The following GNB2 variants were observed in gnomAD, a reference collection of about 807,000 sequenced individuals.
GNB2 encodes G protein subunit beta 2, also known as guanine nucleotide-binding protein G(I)/G(S)/G(T) subunit beta-2.
Under a neutral mutation model 40.7 loss-of-function variants are expected in GNB2, and 7 were observed. The ratio of observed to expected loss-of-function variants is 0.17; its 90% confidence interval spans 0.10 to 0.32. The LOEUF is 0.32. Ranked by LOEUF, GNB2 falls within the 10% of genes least tolerant of loss-of-function variation. GNB2 has a pLI of 1.00. For missense variants in GNB2, 286 were observed against 473.0 expected (o/e 0.60, Z 3.67); for synonymous variants, 254 against 191.2 (o/e 1.33, Z -2.71).
At chr7:100,675,007 C>T (rs1804318631) in intron 1 of GNB2, among the ~76,000 whole-genome samples, 2 of 152,276 alleles carry the variant, frequency 1.3e-5, no homozygotes, top group South Asian at 2.1e-4. Flanking sequence ...AAGAGGAACG[C>T]CCTGCGCCTG....
rs968538670 is a variant in GNB2 at position 100,675,902 on chromosome 7, G to A, written c.-89-275G>A. 1.6e-5 allele frequency: 4 copies of A among 247,258 alleles called. No homozygotes were observed. In the Admixed American group the frequency reaches 1.7e-4, roughly 10 times the overall value. 15.3% of individuals were successfully genotyped at this position (247,258 alleles called of 1,614,324 possible). On this transcript the variant is annotated intron_variant, in intron 1 of 9. Transcript: ENST00000303210. ...CCCCCCCGCCCCAGTTCCTGCCGCG[G>A]GTGTCCTGCCCGGGCTGTGTCCGAG... is the stretch of plus-strand genomic sequence containing the variant.
At chr7:100,677,032 G>A (rs755026947) in intron 4 of GNB2, 15 of 593,524 alleles carry the variant, frequency 2.5e-5, no homozygotes, top group Non-Finnish European at 4.5e-5. Context: ...ATCCCAGCAC[G>A]TGGGGAGGCC....
rs1318779949 is a variant in GNB2 at position 100,679,133 on chromosome 7, TCA to T, written c.*333_*334del. On this transcript the variant is annotated 3_prime_UTR_variant, in exon 10 of 10. Transcript: ENST00000303210. ...TTTTATTTTAATTTTTATTATATTT[TCA>T]GTTTTTCCATAAAGGAGCCAATTCC... 1 of 257,084 alleles carries T rather than the reference TCA, an allele frequency of 3.9e-6. No individual in the cohort carries two copies. The highest frequency in any genetic ancestry group is 2.2e-5 in the African/African-American group (1 of 44,780). The allele number at this position is 257,084 out of a possible 1,614,324, so 15.9% of individuals were successfully genotyped here.
intron 1 of GNB2, chr7:100,675,961 C>T (rs1804337716): frequency 2.5e-6 from 1 of 405,408 alleles, no homozygotes; most frequent in Non-Finnish European, 4.4e-6. Flanking sequence ...TCTTGCACTT[C>T]CCGCTCCGTT....
chr7:100,675,904 T>G, intron 1 of GNB2: 1 of 229,452 alleles, frequency 4.4e-6, no homozygotes, highest in Non-Finnish European at 8.4e-6. Flanking sequence ...CTGCCGCGGG[T>G]GTCCTGCCCG....
Position 100,677,774 on chromosome 7 carries a change from C to T in GNB2, c.453C>T (p.Phe151=), listed in dbSNP as rs2131350928. 2 of 1,613,840 alleles carry T rather than the reference C, an allele frequency of 1.2e-6. No individual in the cohort carries two copies. The highest frequency in any genetic ancestry group is 2.2e-5 in the East Asian group (1 of 44,880). Residue 151 remains phenylalanine, a synonymous_variant, in exon 7 of 10, where the codon TTC becomes TTT. Transcript: ENST00000303210. Reference sequence around the variant, plus strand: ...CAGGGTACCTGTCGTGTTGCCGCTTCCTGGATGACAACCAAATCATCACCA... The same window carrying T: ...CAGGGTACCTGTCGTGTTGCCGCTTTCTGGATGACAACCAAATCATCACCA... ...GHTGYLSCCR[F]LDDNQIITSS...
Position 100,678,765 on chromosome 7 carries a change from G to C in GNB2, c.987G>C (p.Thr329=), listed in dbSNP as rs376511800. ...GVTDDGMAVA[T]GSWDSFLKIW... is the part of the protein sequence containing the mutation. ...CCGACGATGGCATGGCTGTGGCCAC[G>C]GGCTCCTGGGACTCCTTCCTCAAGA... The change falls in exon 10 of 10, where the codon ACG becomes ACC. Residue 329 remains threonine, a synonymous_variant. Coordinates refer to ENST00000303210, the MANE Select transcript of GNB2 (RefSeq NM_005273.4). 1.1e-5 allele frequency: 18 copies of C among 1,613,480 alleles called. No individual in the cohort carries two copies. The highest frequency in any genetic ancestry group is 1.4e-5 in the Non-Finnish European group (16 of 1,179,840).
At chr7:100,677,957 G>A (rs1452577032) in intron 7 of GNB2, 139 bp downstream of exon 7, 5 of 980,332 alleles carry the variant, frequency 5.1e-6, no homozygotes, top group African/African-American at 4.8e-5. Flanking sequence ...GGAGGGATGC[G>A]TCCCCTCCCC....
rs374471771 is a variant in GNB2, at chr7:100,678,708, C to A, written c.930C>A (p.Gly310=). The change falls in exon 10 of 10, where the codon GGC becomes GGA. Residue 310 remains glycine, a synonymous_variant. Transcript: ENST00000303210. Reference sequence around the variant, plus strand: ...TCTTCTTCACAGGAGTCCTCGCTGGCCACGACAACCGCGTGAGCTGCCTCG... The same window carrying A: ...TCTTCTTCACAGGAGTCCTCGCTGGACACGACAACCGCGTGAGCTGCCTCG... The part of the protein sequence containing the change: ...MKGDRAGVLA[G]HDNRVSCLGV... 6.2e-7 allele frequency: 1 copy of A among 1,613,464 alleles called. No homozygotes were observed. Among genetic ancestry groups the A allele is most frequent in the South Asian group, 1.1e-5 (1 of 91,076 alleles).
In GNB2 at chr7:100,677,507, A is replaced by T; in HGVS notation, c.277A>T (p.Ile93Phe). Residue 93 changes from isoleucine to phenylalanine, a missense_variant, in exon 6 of 10, where the codon ATC becomes TTC. Transcript: ENST00000303210. ...TTCCCCTGCTCCGCAGGTCCACGCC[A>T]TCCCGCTGCGCTCCTCCTGGGTAAT... ...DSYTTNKVHAIPLRSSWVMTC... is the reference protein window; with the variant it reads ...DSYTTNKVHAFPLRSSWVMTC... The T allele has an allele frequency of 6.2e-7, 1 of 1,613,438 alleles. No homozygotes were observed. The highest frequency in any genetic ancestry group is 1.1e-5 in the South Asian group (1 of 91,086).
Position 100,677,743 on chromosome 7 carries a change from C to CT in GNB2, c.431-7dup, listed in dbSNP as rs1804385272. The CT allele has an allele frequency of 6.2e-7, 1 of 1,613,772 alleles. No individual in the cohort carries two copies. Among genetic ancestry groups the CT allele is most frequent in the Non-Finnish European group, 8.5e-7 (1 of 1,179,958 alleles). ...GTGTGGAGACCTGGCTGACCAGCTC[C>CT]TTCCCCAGGGTACCTGTCGTGTTGC... is the stretch of plus-strand genomic sequence containing the variant. On this transcript the variant is annotated splice_polypyrimidine_tract_variant and intron_variant, in intron 6 of 9. Coordinates refer to ENST00000303210, the MANE Select transcript of GNB2 (RefSeq NM_005273.4).
intron 7 of GNB2, 99 bp downstream of exon 7, chr7:100,677,917 C>T (rs1359836085): frequency 3.5e-6 from 4 of 1,153,342 alleles, no homozygotes; most frequent in Non-Finnish European, 5.1e-6. Flanking sequence ...ACCGTAGCCT[C>T]CCTCTCCTGG....
chr7:100,674,834 C>T (rs546066125), intron 1 of GNB2, among the ~76,000 whole-genome samples: 1 of 152,350 alleles, frequency 6.6e-6, no homozygotes, highest in African/African-American at 2.4e-5. Context: ...CCGGCGGTGC[C>T]GCCAGGCCTG....
intron 2 of GNB2, 62 bp from the exon 3 acceptor site, chr7:100,676,473 C>G (rs888409605): frequency 6.9e-7 from 1 of 1,439,206 alleles, no homozygotes; most frequent in African/African-American, 1.4e-5. Context: ...CTGTTCTCTT[C>G]TCTCCCTTTC....
rs578027411 is a variant in GNB2, at chr7:100,678,908, G to A, written c.*107G>A. On this transcript the variant is annotated 3_prime_UTR_variant, in exon 10 of 10. Coordinates refer to ENST00000303210, the MANE Select transcript of GNB2 (RefSeq NM_005273.4). The stretch of plus-strand genomic sequence containing the variant: ...ATCCCAGCCCCCTTCCCCGGGCCAC[G>A]GGGCCTTGGGTCCCTGCCCTCCCAC... 24 of 854,050 alleles carry A rather than the reference G, an allele frequency of 2.8e-5. No individual in the cohort carries two copies. Among genetic ancestry groups the A allele is most frequent in the African/African-American group, 5.1e-5 (3 of 58,908 alleles). The allele number at this position is 854,050 out of a possible 1,614,324, so 52.9% of individuals were successfully genotyped here.
rs762404805 is a variant in GNB2 at position 100,678,593 on chromosome 7, G to A, written c.895G>A (p.Ala299Thr). The A allele has an allele frequency of 6.2e-6, 10 of 1,613,624 alleles. No individual in the cohort carries two copies. The highest frequency in any genetic ancestry group is 7.6e-6 in the Non-Finnish European group (9 of 1,179,926). ...YDDFNCNIWD[A>T]MKGDRAGVLA... ...CGACTTCAACTGCAACATCTGGGAT[G>A]CCATGAAGGGCGACCGTGCAGGTGA... The change falls in exon 9 of 10, where the codon GCC becomes ACC. Residue 299 changes from alanine (A) to threonine (T), a missense_variant. By Grantham distance (58) the Ala-to-Thr change is moderately conservative. Coordinates refer to ENST00000303210, the MANE Select transcript of GNB2 (RefSeq NM_005273.4).
intron 1 of GNB2, chr7:100,675,869 ACCCCCGCCC>A (rs1040802176): frequency 3.3e-4 from 69 of 206,176 alleles, no homozygotes; most frequent in Admixed American, 6.6e-4. Context: ...TCGAAGGGAC[ACCCCCGCCC>A]CCCCCGCCCC....
At chr7:100,675,481 C>T (rs1056065262) in intron 1 of GNB2, 4 of 151,990 alleles carry the variant, frequency 2.6e-5, no homozygotes, top group African/African-American at 7.3e-5. Flanking sequence ...ATCGGCTTTT[C>T]CCAAATCCTG....
intron 1 of GNB2, among the ~76,000 whole-genome samples, chr7:100,674,174 G>A (rs1584477697): frequency 1.3e-5 from 2 of 151,406 alleles, no homozygotes; most frequent in Non-Finnish European, 2.9e-5. Flanking sequence ...CCCCAGCCCA[G>A]CCCCGACTGC....
Sources: gnomAD v4.1 joint callset for allele counts (sites outside exome capture counted in the v4.1 genomes callset) on GRCh38, gnomAD v4.1.1 for gene constraint, MANE v1.5 for transcripts, NCBI Gene and HGNC (gene_info 2026-07-23, HGNC 2026-07-21) for gene names.